The following URI1 variants were observed in gnomAD, a reference collection of about 807,000 sequenced individuals.
URI1 encodes URI1 prefoldin like chaperone.
A neutral mutation model predicts 60.2 loss-of-function variants in URI1; 39 were observed. The observed-to-expected ratio is 0.65, with a 90% CI of 0.50 to 0.85. The LOEUF (loss-of-function observed/expected upper bound fraction) is 0.85, where lower values mean the gene tolerates loss of function less well. Ranked by LOEUF, URI1 falls within the 40% of genes least tolerant of loss-of-function variation. The pLI, the probability that URI1 is intolerant of heterozygous loss-of-function variation, is 0.00. For synonymous variants in URI1, 251 were observed against 236.8 expected (o/e 1.06, Z -0.55); for missense variants, 691 against 665.9 (o/e 1.04, Z -0.42).
At chr19:29,940,242 G>C (rs1164089221), upstream of URI1, among the ~76,000 whole-genome samples, 1 of 152,088 alleles carries the variant, frequency 6.6e-6, no homozygotes, top group Non-Finnish European at 1.5e-5. Context: ...CTGAGTACTG[G>C]AGTGTCTAGG....
Position 29,990,083 on chromosome 19 carries a change from A to G in URI1, c.367+3666A>G, listed in dbSNP as rs145012148. 5.3e-5 allele frequency among the ~76,000 whole-genome samples: 8 copies of G among 152,272 alleles called. No homozygotes were observed. The East Asian group carries it at 1.3e-3, about 26-fold the overall frequency. ...TTGTTTGAGGTGTGGGGTTTAGGTCACGGTTCATTTTTCTTGCATATGGAT... is the reference window on the plus strand; with the variant it reads ...TTGTTTGAGGTGTGGGGTTTAGGTCGCGGTTCATTTTTCTTGCATATGGAT... On this transcript the variant is annotated intron_variant, in intron 4 of 10. Coordinates refer to ENST00000392271, the MANE Select transcript of URI1 (RefSeq NM_003796.3).
chr19:29,964,501 G>A (rs1305093318), intron 1 of URI1, among the ~76,000 whole-genome samples: 2 of 134,290 alleles, frequency 1.5e-5, no homozygotes, highest in Non-Finnish European at 3.1e-5. Context: ...TTTTGCTCTC[G>A]TTGCCCAGGC....
intron 1 of URI1, among the ~76,000 whole-genome samples, chr19:29,952,715 T>C (rs1045707961): frequency 2.0e-5 from 3 of 151,860 alleles, no homozygotes; most frequent in Non-Finnish European, 2.9e-5. Context: ...AAACTAAATA[T>C]ATTTAATAAA....
In URI1 at chr19:29,965,472, C is replaced by T. The variant is rs142265845; in HGVS notation, c.118-5721C>T. On this transcript the variant is annotated intron_variant, in intron 1 of 10. Transcript: ENST00000392271. Reference sequence around the variant, plus strand: ...GGAAGCCTGAAAAGCACTGAAAACACAGTTATTCTTAAGTTTATGGCATAT... The same window carrying T: ...GGAAGCCTGAAAAGCACTGAAAACATAGTTATTCTTAAGTTTATGGCATAT... 4.5e-3 allele frequency among the ~76,000 whole-genome samples: 693 copies of T among 152,324 alleles called. 7 individuals are homozygous for T. The highest frequency in any genetic ancestry group is 0.016 in the African/African-American group (664 of 41,572).
intron 1 of URI1, among the ~76,000 whole-genome samples, chr19:29,924,509 C>T (rs2145183643): frequency 6.6e-6 from 1 of 152,300 alleles, no homozygotes; most frequent in East Asian, 1.9e-4. Flanking sequence ...GTCCTCATGA[C>T]CCCTTGATTT....
chr19:29,955,035 C>T (rs1001566424), intron 1 of URI1, among the ~76,000 whole-genome samples: 6 of 151,278 alleles, frequency 4.0e-5, no homozygotes, highest in Middle Eastern at 3.4e-3. Flanking sequence ...GATGGAGTCT[C>T]GCTCTGTTGC....
chr19:29,938,643 T>C (rs971576932), upstream of URI1, among the ~76,000 whole-genome samples: 1 of 152,102 alleles, frequency 6.6e-6, no homozygotes, highest in Non-Finnish European at 1.5e-5. Flanking sequence ...GATTAACCAA[T>C]AATAAGTAAT....
chr19:29,949,292 C>T (rs1376169421), intron 1 of URI1, among the ~76,000 whole-genome samples: 9 of 151,044 alleles, frequency 6.0e-5, no homozygotes, highest in Non-Finnish European at 1.2e-4. Context: ...CGGGCAGAGG[C>T]GCTCCCCACA....
chr19:30,004,543 A>T (rs945798774), intron 4 of URI1: 3 of 152,072 alleles, frequency 2.0e-5, no homozygotes, highest in African/African-American at 7.2e-5. Context: ...ATCACAGAGC[A>T]TCTGGGGGAG....
At chr19:29,978,649 T>C (rs2055555116) in intron 2 of URI1, among the ~76,000 whole-genome samples, 1 of 152,148 alleles carries the variant, frequency 6.6e-6, no homozygotes, top group African/African-American at 2.4e-5. Flanking sequence ...TTTTGAGAAA[T>C]ATAAGTCCAG....
At chr19:29,990,822 G>A (rs928081949) in intron 4 of URI1, among the ~76,000 whole-genome samples, 3 of 152,068 alleles carry the variant, frequency 2.0e-5, no homozygotes, top group African/African-American at 7.2e-5. Flanking sequence ...TTGAATATAC[G>A]AAAACCATCA....
intron 1 of URI1, among the ~76,000 whole-genome samples, chr19:29,960,552 A>G (rs756615379): frequency 1.3e-5 from 2 of 152,046 alleles, no homozygotes; most frequent in East Asian, 3.9e-4. Context: ...CTTGCCTTCA[A>G]GTCTCCTTTG....
At chr19:30,003,493 C>T (rs1039434839) in intron 4 of URI1, among the ~76,000 whole-genome samples, 3 of 151,994 alleles carry the variant, frequency 2.0e-5, no homozygotes, top group African/African-American at 7.2e-5. Context: ...ATGTATGATT[C>T]AGAAAGCTTT....
At chr19:29,991,416 A>G (rs929248025) in intron 4 of URI1, among the ~76,000 whole-genome samples, 6 of 152,242 alleles carry the variant, frequency 3.9e-5, no homozygotes, top group Admixed American at 3.9e-4. Flanking sequence ...GTTCTAGTAT[A>G]TAGAAATAAC....
At chr19:29,954,924 G>A (rs991176460) in intron 1 of URI1, among the ~76,000 whole-genome samples, 3 of 151,878 alleles carry the variant, frequency 2.0e-5, no homozygotes, top group African/African-American at 7.3e-5. Context: ...TATACAAAAG[G>A]CAGCTTATTT....
chr19:29,985,461 G>A (rs1043939675), intron 3 of URI1, among the ~76,000 whole-genome samples, 160 bp downstream of exon 3: 1 of 151,998 alleles, frequency 6.6e-6, no homozygotes, highest in South Asian at 2.1e-4. Flanking sequence ...AGTAATTGTA[G>A]TAATTGTTGG....
chr19:30,006,289 A>T (rs2055941915), intron 6 of URI1, among the ~76,000 whole-genome samples: 1 of 152,138 alleles, frequency 6.6e-6, no homozygotes. Context: ...AACGGTAGTG[A>T]AATTGTAAAA....
intron 1 of URI1, among the ~76,000 whole-genome samples, chr19:29,944,624 A>G (rs2055081165): frequency 1.3e-5 from 2 of 152,144 alleles, no homozygotes; most frequent in Non-Finnish European, 2.9e-5. Context: ...GGCAAACTGA[A>G]TGACTGTTTT....
In URI1 at chr19:30,016,218, A is replaced by G. The variant is rs796174669; in HGVS notation, c.*1149A>G. The G allele has an allele frequency of 6.6e-6, 1 of 152,280 alleles. No homozygotes were observed. Among genetic ancestry groups the G allele is most frequent in the African/African-American group, 2.4e-5 (1 of 41,588 alleles). The allele number at this position is 152,280 out of a possible 1,614,324, so 9.4% of individuals were successfully genotyped here. On this transcript the variant is annotated 3_prime_UTR_variant, in exon 11 of 11. Coordinates refer to ENST00000392271, the MANE Select transcript of URI1 (RefSeq NM_003796.3). ...ATTATGTCCTAGAAAAGTAGAAGCT[A>G]TTCGTAACTAGAGCAGTGCAACTTT...
Sources: gnomAD v4.1 joint callset for allele counts (sites outside exome capture counted in the v4.1 genomes callset) on GRCh38, gnomAD v4.1.1 for gene constraint, MANE v1.5 for transcripts, NCBI Gene and HGNC (gene_info 2026-07-23, HGNC 2026-07-21) for gene names.